The following PARD3 variants were observed in gnomAD, a reference collection of about 807,000 sequenced individuals.
PARD3 encodes the protein par-3 family cell polarity regulator, also known as partitioning defective 3 homolog.
In PARD3, 75 loss-of-function variants were observed where a neutral mutation model predicts 155.4. The observed-to-expected ratio is 0.48, with a 90% CI of 0.40 to 0.58. The LOEUF is 0.58. PARD3 is among the 20% of genes least tolerant of loss of function. PARD3 has a pLI of 0.00. For missense variants in PARD3, 1,642 were observed against 1,721.7 expected (o/e 0.95, Z 0.82); for synonymous variants, 576 against 610.5 (o/e 0.94, Z 0.83).
chr10:34,261,110 C>T (rs1443746407), intron 22 of PARD3, among the ~76,000 whole-genome samples: 4 of 152,086 alleles, frequency 2.6e-5, no homozygotes, highest in East Asian at 3.9e-4. Context: ...TGACACAGTT[C>T]GTATTTTATT....
chr10:34,570,765 C>T (rs1275764611), intron 2 of PARD3, among the ~76,000 whole-genome samples: 2 of 152,162 alleles, frequency 1.3e-5, no homozygotes, highest in Non-Finnish European at 2.9e-5. Flanking sequence ...CACCCCAGCA[C>T]ATGAAGCAGC....
chr10:34,615,571 C>T (rs1269794951), intron 2 of PARD3, among the ~76,000 whole-genome samples: 1 of 152,130 alleles, frequency 6.6e-6, no homozygotes, highest in Non-Finnish European at 1.5e-5. Flanking sequence ...TGGCTGAGAA[C>T]TCATGCAACA....
chr10:34,662,026 G>A (rs900060687), intron 2 of PARD3, among the ~76,000 whole-genome samples: 9 of 152,176 alleles, frequency 5.9e-5, no homozygotes, highest in Non-Finnish European at 1.3e-4. Flanking sequence ...TTGACCTGCA[G>A]GCCTAACCGT....
At chr10:34,725,148 T>TGA (rs1409151262) in intron 1 of PARD3, among the ~76,000 whole-genome samples, 15,612 of 110,828 alleles carry the variant, frequency 0.14, 757 homozygotes, top group Non-Finnish European at 0.19. Flanking sequence ...TGTGTGTGTG[T>TGA]GTGACAGAGA....
intron 22 of PARD3, among the ~76,000 whole-genome samples, chr10:34,177,857 C>G (rs1402395981): frequency 6.6e-6 from 1 of 152,234 alleles, no homozygotes; most frequent in Non-Finnish European, 1.5e-5. Flanking sequence ...TCCCCTTAAT[C>G]TGCTGCACGT....
chr10:34,469,401 G>A (rs1054166579), intron 4 of PARD3, among the ~76,000 whole-genome samples: 6 of 152,124 alleles, frequency 3.9e-5, no homozygotes, highest in Non-Finnish European at 5.9e-5. Flanking sequence ...GAGCCACCAC[G>A]CCCAGCCAAC....
rs918458882 is a variant in PARD3, at chr10:34,109,990, G to A, written c.*1179C>T. 4.6e-5 allele frequency: 7 copies of A among 151,850 alleles called. No individual in the cohort carries two copies. The highest frequency in any genetic ancestry group is 4.6e-4 in the Admixed American group (7 of 15,232). The allele number at this position is 151,850 out of a possible 1,614,324, so 9.4% of individuals were successfully genotyped here. ...ACAATGAAGGAAGATGGGAGCCACC[G>A]AGATCCCCGAGACCCACACACACAC... On this transcript the variant is annotated 3_prime_UTR_variant, in exon 25 of 25. Coordinates refer to ENST00000374788, the MANE Select transcript of PARD3 (RefSeq NM_001184785.2).
In PARD3 at chr10:34,470,068, C is replaced by A. The variant is rs2078255769; in HGVS notation, c.582+17G>T. 1.3e-6 allele frequency: 2 copies of A among 1,570,996 alleles called. No homozygotes were observed. The highest frequency in any genetic ancestry group is 1.2e-5 in the South Asian group (1 of 83,840). ...AGGAGGGGCAAGAGACAGCAGCAAA[C>A]AAGCAGAGGTGGTTACCTTCCTGTC... On this transcript the variant is annotated intron_variant, in intron 4 of 24. Coordinates refer to ENST00000374788, the MANE Select transcript of PARD3 (RefSeq NM_001184785.2).
At chr10:34,520,943 G>A (rs1430044997) in intron 2 of PARD3, among the ~76,000 whole-genome samples, 1 of 152,148 alleles carries the variant, frequency 6.6e-6, no homozygotes, top group Non-Finnish European at 1.5e-5. Context: ...TTTTCATAAG[G>A]TGTGTGGCTT....
At chr10:34,637,081 T>C (rs1156319275) in intron 2 of PARD3, among the ~76,000 whole-genome samples, 2 of 152,200 alleles carry the variant, frequency 1.3e-5, no homozygotes, top group East Asian at 1.9e-4. Flanking sequence ...TATACCCTAT[T>C]GCAAGGATTT....
chr10:34,542,241 A>ACGTGTGCG lies in PARD3; in HGVS notation c.223-25083_223-25082insCGCACACG, dbSNP rs764579367. On this transcript the variant is annotated intron_variant, in intron 2 of 24. Transcript: ENST00000374788. ...TGTGTGTGTGTGTGTGTGTGTGTGC[A>ACGTGTGCG]CACACACACACGCTTGCATTTACCC... Among the ~76,000 whole-genome samples, 13 of 71,030 alleles carry ACGTGTGCG rather than the reference A, an allele frequency of 1.8e-4. No individual in the cohort carries two copies. In the South Asian group the frequency reaches 3.3e-3, roughly 18 times the overall value. The allele number at this position is 71,030 out of a possible 152,430, so 46.6% of individuals were successfully genotyped here.
At chr10:34,443,440 A>G (rs2076572212) in intron 5 of PARD3, among the ~76,000 whole-genome samples, 2 of 152,190 alleles carry the variant, frequency 1.3e-5, no homozygotes, top group African/African-American at 4.8e-5. Context: ...GCAATTTACA[A>G]AAGGAAGAGG....
Position 34,805,542 on chromosome 10 carries a change from C to CATATATATATATAT in PARD3, c.120+9320_120+9333dup, listed in dbSNP as rs58820083. Among the ~76,000 whole-genome samples the CATATATATATATAT allele has an allele frequency of 2.8e-3, 392 of 140,722 alleles. 1 individual carries two copies. The highest frequency in any genetic ancestry group is 0.017 in the East Asian group (81 of 4,740). The allele number at this position is 140,722 out of a possible 152,430, so 92.3% of individuals were successfully genotyped here. A position where few individuals can be genotyped will look rare whatever the true frequency, so the allele number is the denominator to read the frequency against. On this transcript the variant is annotated intron_variant, in intron 1 of 24. Coordinates refer to ENST00000374788, the MANE Select transcript of PARD3 (RefSeq NM_001184785.2). Reference sequence around the variant, plus strand: ...CACCCCAGAAATACACACGTATGTGCATATATATATATATATATATATATA... The same window carrying CATATATATATATAT: ...CACCCCAGAAATACACACGTATGTGCATATATATATATATATATATATATATATATATATATATA...
intron 22 of PARD3, among the ~76,000 whole-genome samples, chr10:34,237,862 G>GC (rs1435574141): frequency 6.6e-6 from 1 of 152,132 alleles, no homozygotes; most frequent in Non-Finnish European, 1.5e-5. Context: ...CTTCACACTG[G>GC]TAAATGGTGT....
chr10:34,334,547 CGAAA>C (rs907612785), intron 18 of PARD3, among the ~76,000 whole-genome samples: 3 of 151,338 alleles, frequency 2.0e-5, no homozygotes, highest in Non-Finnish European at 4.4e-5. Flanking sequence ...AGTGAAGTGA[CGAAA>C]GAAAAATAAG....
intron 20 of PARD3, among the ~76,000 whole-genome samples, chr10:34,311,196 C>T (rs576989271): frequency 6.6e-6 from 1 of 152,302 alleles, no homozygotes; most frequent in Non-Finnish European, 1.5e-5. Context: ...CAAGCCTTCT[C>T]ACAGGCACTC....
intron 22 of PARD3, among the ~76,000 whole-genome samples, chr10:34,205,475 C>T (rs927501810): frequency 6.6e-6 from 1 of 152,136 alleles, no homozygotes; most frequent in Non-Finnish European, 1.5e-5. Flanking sequence ...AAGAAAAACA[C>T]TCCTCTGTTC....
intron 1 of PARD3, among the ~76,000 whole-genome samples, chr10:34,713,197 G>A (rs1325576439): frequency 6.6e-6 from 1 of 151,116 alleles, no homozygotes; most frequent in Non-Finnish European, 1.5e-5. Context: ...AGGTGACAGA[G>A]TGAGACTCCA....
At chr10:34,562,986 G>T (rs993571148) in intron 2 of PARD3, among the ~76,000 whole-genome samples, 13 of 151,962 alleles carry the variant, frequency 8.6e-5, no homozygotes, top group Admixed American at 5.2e-4. Flanking sequence ...GCCTAGACTG[G>T]TCTCAAACTC....
Sources: allele counts gnomAD v4.1 joint callset (sites outside exome capture counted in the v4.1 genomes callset), GRCh38; gene constraint gnomAD v4.1.1; transcripts MANE v1.5; gene names NCBI Gene and HGNC (gene_info 2026-07-23, HGNC 2026-07-21).